The following ZNF611 variants were observed in gnomAD, a reference collection of about 807,000 sequenced individuals.
ZNF611 encodes zinc finger protein 611.
ZNF611 carries 6 observed loss-of-function variants against 8.9 expected under a neutral mutation model. The ratio of observed to expected loss-of-function variants is 0.68; its 90% CI spans 0.37 to 1.34. The LOEUF is 1.34. ZNF611 is among the 40% of genes most tolerant of loss of function. The pLI, the probability that ZNF611 is intolerant of heterozygous loss-of-function variation, is 0.02. For missense variants in ZNF611, 874 were observed against 841.3 expected (o/e 1.04, Z -0.48); for synonymous variants, 262 against 279.7 (o/e 0.94, Z 0.63).
intron 3 of ZNF611, among the ~76,000 whole-genome samples, chr19:52,728,222 A>G (rs1474446506): frequency 4.1e-5 from 6 of 146,190 alleles, no homozygotes; most frequent in Admixed American, 1.4e-4. Flanking sequence ...TGCCTGTCAA[A>G]GTGAGCTCCC....
At chr19:52,724,352 C>A (rs1458814844) in intron 3 of ZNF611, 1 of 152,446 alleles carries the variant, frequency 6.6e-6, no homozygotes, top group Non-Finnish European at 1.5e-5. Flanking sequence ...GCACAGCCTG[C>A]ACAGCCCTAA....
chr19:52,722,181 C>T lies in ZNF611; in HGVS notation c.-19-6268G>A, dbSNP rs1302233157. Among the ~76,000 whole-genome samples the T allele has an allele frequency of 2.6e-5, 4 of 151,802 alleles. No individual in the cohort carries two copies. The East Asian group carries it at 5.8e-4, about 22-fold the overall frequency. ...TTTTCAGTCCAGCCTGGGAAACATA[C>T]TGAAACCGTTTCTACAAAAAAAATA... On this transcript the variant is annotated intron_variant, in intron 3 of 5. Coordinates refer to ENST00000652185, the MANE Select transcript of ZNF611 (RefSeq NM_001161499.2).
intron 4 of ZNF611, among the ~76,000 whole-genome samples, chr19:52,714,716 A>ACCG (rs113487617): frequency 2.5e-5 from 1 of 40,364 alleles, no homozygotes; most frequent in Non-Finnish European, 4.5e-5. Flanking sequence ...AAACAAAAAA[A>ACCG]CAATGCCGGG....
rs749985831 is a variant in ZNF611 at position 52,715,853 on chromosome 19, C to A, written c.42G>T (p.Glu14Asp). The A allele has an allele frequency of 6.2e-7, 1 of 1,613,046 alleles. No individual in the cohort carries two copies. Among genetic ancestry groups the A allele is most frequent in the South Asian group, 1.1e-5 (1 of 91,076 alleles). The change falls in exon 4 of 6, where the codon GAG becomes GAT. Residue 14 changes from glutamate (E) to aspartate (D), a missense_variant. Coordinates refer to ENST00000652185, the MANE Select transcript of ZNF611 (RefSeq NM_001161499.2). ...EEAAQKRKGKEPGMALPQGRL... is the reference protein window; with the variant it reads ...EEAAQKRKGKDPGMALPQGRL... The stretch of plus-strand genomic sequence containing the variant: ...TCACCTGAGGAAGAGCCATGCCTGG[C>A]TCCTTTCCTTTCCTCTTCTGAGCTG...
chr19:52,723,253 CTT>C (rs56217135), intron 3 of ZNF611, among the ~76,000 whole-genome samples: 8 of 103,168 alleles, frequency 7.8e-5, no homozygotes, highest in African/African-American at 1.2e-4. Flanking sequence ...CTTATTTAAC[CTT>C]TTTTTTTTTT....
At position 52,706,449 on chromosome 19, in the gene ZNF611, G is replaced by C. The variant is rs374934148; in HGVS notation, c.606C>G (p.Thr202=). The C allele has an allele frequency of 2.5e-6, 4 of 1,614,028 alleles. No homozygotes were observed. The highest frequency in any genetic ancestry group is 2.7e-5 in the African/African-American group (2 of 74,920). Residue 202 remains threonine (T), a synonymous_variant, in exon 6 of 6, where the codon ACC becomes ACG. Coordinates refer to ENST00000652185, the MANE Select transcript of ZNF611 (RefSeq NM_001161499.2). ...TFQRISCRPQ[T]QISNNYGNNP... ...TATTCCCATAGTTATTAGAAATCTG[G>C]GTTTGGGGCCTACAGGAAATTCTTT...
At position 52,712,716 on chromosome 19, in the gene ZNF611, T is replaced by C. The variant is rs533232360; in HGVS notation, c.190+1299A>G. Among the ~76,000 whole-genome samples the C allele has an allele frequency of 6.6e-5, 10 of 152,134 alleles. No individual in the cohort carries two copies. In the South Asian group the frequency reaches 1.9e-3, roughly 28 times the overall value. On this transcript the variant is annotated intron_variant, in intron 5 of 5. Transcript: ENST00000652185. ...ATTGTCTAGGCTGGTCTCGAATTCC[T>C]GACCTCAGGTGATTCACCCACGCAC...
At chr19:52,715,741 T>G in intron 4 of ZNF611, 91 bp downstream of exon 4, 1 of 1,576,374 alleles carries the variant, frequency 6.3e-7, no homozygotes, top group Non-Finnish European at 8.6e-7. Flanking sequence ...TCAGACAAGA[T>G]GCTTCAGACT....
At position 52,705,587 on chromosome 19, in the gene ZNF611, T is replaced by C; in HGVS notation, c.1468A>G (p.Thr490Ala). ...AAAAGATCTGAATTTTGACCAAAGGTCTTCCCACATTCATTACACTTGTAA... is the reference window on the plus strand; with the variant it reads ...AAAAGATCTGAATTTTGACCAAAGGCCTTCCCACATTCATTACACTTGTAA... ...KPYKCNECGK[T>A]FGQNSDLLIH... Residue 490 changes from threonine to alanine, a missense_variant, in exon 6 of 6, where the codon ACC becomes GCC. Coordinates refer to ENST00000652185, the MANE Select transcript of ZNF611 (RefSeq NM_001161499.2). The C allele has an allele frequency of 1.2e-6, 2 of 1,613,902 alleles. No individual in the cohort carries two copies. The highest frequency in any genetic ancestry group is 2.2e-5 in the South Asian group (2 of 91,064).
intron 3 of ZNF611, among the ~76,000 whole-genome samples, chr19:52,716,658 G>A (rs1249457545): frequency 6.6e-6 from 1 of 152,190 alleles, no homozygotes; most frequent in Non-Finnish European, 1.5e-5. Flanking sequence ...GAAAAGTCAA[G>A]CTGGGAACTG....
chr19:52,704,539 T>G lies in ZNF611; in HGVS notation c.*398A>C, dbSNP rs1466284605. 1.1e-5 allele frequency: 14 copies of G among 1,258,562 alleles called. No homozygotes were observed. Among genetic ancestry groups the G allele is most frequent in the Admixed American group, 7.3e-5 (4 of 54,978 alleles). The allele number at this position is 1,258,562 out of a possible 1,614,324, so 78.0% of individuals were successfully genotyped here. A position where few individuals can be genotyped will look rare whatever the true frequency, so the allele number is the denominator to read the frequency against. ...ACATTTGTAAGGTTTCTCTCCAGTA[T>G]GAGTTCACCGATGACCTGCAATATG... On this transcript the variant is annotated 3_prime_UTR_variant, in exon 6 of 6. Transcript: ENST00000652185.
In ZNF611 at chr19:52,706,647, A is replaced by C. The variant is rs747365737; in HGVS notation, c.408T>G (p.Thr136=). 2 of 1,613,866 alleles carry C rather than the reference A, an allele frequency of 1.2e-6. No individual in the cohort carries two copies. The highest frequency in any genetic ancestry group is 3.3e-5 in the Admixed American group (2 of 59,946). Residue 136 remains threonine (T), a synonymous_variant, in exon 6 of 6, where the codon ACT becomes ACG. Transcript: ENST00000652185. ...EAPMTKIKKL[T]GSTDQHDHRH... ...TGTGATCATGTTGGTCTGTGCTACC[A>C]GTCAACTTTTTTATTTTTGTCATGG...
At chr19:52,728,304 C>T (rs901479747) in intron 3 of ZNF611, among the ~76,000 whole-genome samples, 2 of 152,056 alleles carry the variant, frequency 1.3e-5, no homozygotes, top group Admixed American at 6.5e-5. Context: ...TCTGGAAGGC[C>T]GAGGCTGGAG....
chr19:52,704,861 T>C lies in ZNF611; in HGVS notation c.*76A>G. 1 of 1,608,220 alleles carries C rather than the reference T, an allele frequency of 6.2e-7. No individual in the cohort carries two copies. Among genetic ancestry groups the C allele is most frequent in the Non-Finnish European group, 8.5e-7 (1 of 1,176,872 alleles). The stretch of plus-strand genomic sequence containing the variant: ...GTCAGAAACCTTACATTTGTAAGCT[T>C]TCTCTCCAGTATAAATTCTCCTATG... On this transcript the variant is annotated 3_prime_UTR_variant, in exon 6 of 6. Coordinates refer to ENST00000652185, the MANE Select transcript of ZNF611 (RefSeq NM_001161499.2).
In ZNF611 at chr19:52,703,198, TAAAG is replaced by T. The variant is rs982914788; in HGVS notation, c.*1735_*1738del. 8.1e-5 allele frequency: 12 copies of T among 147,532 alleles called. No homozygotes were observed. Among genetic ancestry groups the T allele is most frequent in the East Asian group, 3.9e-4 (2 of 5,114 alleles). 9.1% of individuals were successfully genotyped at this position (147,532 alleles called of 1,614,324 possible). A position where few individuals can be genotyped will look rare whatever the true frequency, so the allele number is the denominator to read the frequency against. ...AATAAATAAATAAATAAATAAAAAA[TAAAG>T]AGAGAAATGAAGAGGAACCAGAAAG... is the stretch of plus-strand genomic sequence containing the variant. On this transcript the variant is annotated 3_prime_UTR_variant, in exon 6 of 6. Coordinates refer to ENST00000652185, the MANE Select transcript of ZNF611 (RefSeq NM_001161499.2).
Position 52,728,192 on chromosome 19 carries a change from C to T in ZNF611, c.-20+538G>A, listed in dbSNP as rs112542862. Among the ~76,000 whole-genome samples, 864 of 152,222 alleles carry T rather than the reference C, an allele frequency of 5.7e-3. 6 individuals are homozygous for T. The highest frequency in any genetic ancestry group is 0.02 in the African/African-American group (813 of 41,560). ...AAGTGGTGGGATTACAGGCGTGAGC[C>T]ACTGCACCTGGCCGTTGTTTGCCTG... is the stretch of plus-strand genomic sequence containing the variant. On this transcript the variant is annotated intron_variant, in intron 3 of 5. Transcript: ENST00000652185.
At chr19:52,726,009 AC>A (rs2062390454) in intron 3 of ZNF611, among the ~76,000 whole-genome samples, 2 of 152,250 alleles carry the variant, frequency 1.3e-5, no homozygotes, top group South Asian at 2.1e-4. Flanking sequence ...ATTATCTGGA[AC>A]GGGAATGCAA....
chr19:52,727,231 C>A (rs184415542), intron 3 of ZNF611, among the ~76,000 whole-genome samples: 1 of 152,104 alleles, frequency 6.6e-6, no homozygotes, highest in African/African-American at 2.4e-5. Flanking sequence ...AAGAGTCTTG[C>A]CCCAAATGAG....
intron 1 of ZNF611, among the ~76,000 whole-genome samples, chr19:52,732,559 AGAATAACTCACAGTATTGAGTTATTCT>A (rs1568611606): frequency 3.5e-4 from 7 of 20,212 alleles, no homozygotes; most frequent in East Asian, 2.1e-3. Context: ...TGAGTTATTC[AGAATAACTCACAGTATTGAGTTATTCT>A]GAATAACTCA....
Sources: gnomAD v4.1 joint callset for allele counts (sites outside exome capture counted in the v4.1 genomes callset) on GRCh38, gnomAD v4.1.1 for gene constraint, MANE v1.5 for transcripts, NCBI Gene and HGNC (gene_info 2026-07-23, HGNC 2026-07-21) for gene names.